The following FAM133B variants were observed in gnomAD, a reference collection of about 807,000 sequenced individuals.
The protein encoded by FAM133B is family with sequence similarity 133 member B, also known as protein FAM133B.
Under a neutral mutation model 46.4 loss-of-function variants are expected in FAM133B, and 25 were observed. That is an observed-to-expected ratio of 0.54 (90% confidence interval 0.39 to 0.75). The LOEUF (loss-of-function observed/expected upper bound fraction) is 0.75, where lower values mean the gene tolerates loss of function less well. Among genes scored for constraint, FAM133B ranks in the 30% least tolerant of loss-of-function variants. The pLI, the probability that FAM133B is intolerant of heterozygous loss-of-function variation, is 0.00. For missense variants in FAM133B, 205 were observed against 277.6 expected, an observed-to-expected ratio of 0.74 and a Z score of 1.86; for synonymous variants, 75 against 86.0, an observed-to-expected ratio of 0.87 and a Z score of 0.71.
Position 92,561,071 on chromosome 7 carries a change from T to G in FAM133B, c.*1211A>C, listed in dbSNP as rs1361671816. The G allele has an allele frequency of 6.6e-6, 1 of 152,654 alleles. No individual in the cohort carries two copies. Among genetic ancestry groups the G allele is most frequent in the Non-Finnish European group, 1.5e-5 (1 of 68,036 alleles). The allele number at this position is 152,654 out of a possible 1,614,324, so 9.5% of individuals were successfully genotyped here. A position where few individuals can be genotyped will look rare whatever the true frequency, so the allele number is the denominator to read the frequency against. On this transcript the variant is annotated 3_prime_UTR_variant, in exon 11 of 11. Transcript: ENST00000445716. ...ACTCTTATTTAAACTTAACTTGTCA[T>G]AATTTGTTATTAATATACAAAGACA...
chr7:92,589,782 C>T (rs1238336107), intron 1 of FAM133B: 1 of 156,806 alleles, frequency 6.4e-6, no homozygotes, highest in Non-Finnish European at 1.4e-5. Flanking sequence ...AGGCGCGCTG[C>T]TGGCTCTCCG....
In FAM133B at chr7:92,569,866, G is replaced by A; in HGVS notation, c.566C>T (p.Pro189Leu). The A allele has an allele frequency of 3.5e-6, 5 of 1,440,528 alleles. No homozygotes were observed. The highest frequency in any genetic ancestry group is 4.6e-6 in the Non-Finnish European group (5 of 1,097,198). The allele number at this position is 1,440,528 out of a possible 1,614,324, so 89.2% of individuals were successfully genotyped here. ...TTCTGACAAGGACTCAGATGATAAA[G>A]GTTTATCTTCAGAATACATCTTTCT... ...KKRKMYSEDK[P>L]LSSESLSESE... is the part of the protein sequence containing the mutation. The change falls in exon 9 of 11, where the codon CCT (proline) becomes CTT (leucine). Residue 189 changes from proline (P) to leucine (L), a missense_variant. Physicochemically the swap from Pro to Leu is moderately conservative, Grantham distance 98 (BLOSUM62 -3). Coordinates refer to ENST00000445716, the MANE Select transcript of FAM133B (RefSeq NM_152789.4).
At chr7:92,585,472 G>T (rs1232507359) in intron 1 of FAM133B, 3 of 576,860 alleles carry the variant, frequency 5.2e-6, no homozygotes, top group Non-Finnish European at 6.6e-6. Context: ...ACATATCAAG[G>T]ATATTCAGGT....
At chr7:92,584,047 CAA>C (rs765172200) in intron 1 of FAM133B, among the ~76,000 whole-genome samples, 3,349 of 36,382 alleles carry the variant, frequency 0.092, 22 homozygotes, top group African/African-American at 0.13. Flanking sequence ...AAGACTGTCT[CAA>C]AAAAAAAAAA....
chr7:92,562,550 C>T (rs149522406), intron 10 of FAM133B, among the ~76,000 whole-genome samples, 182 bp from the exon 11 acceptor site: 1 of 152,186 alleles, frequency 6.6e-6, no homozygotes, highest in Non-Finnish European at 1.5e-5. Context: ...CAGTTCTTGT[C>T]GATTTTCAAA....
rs182615762 is a variant in FAM133B, at chr7:92,566,058, G to A, written c.613C>T (p.Arg205Ter). Reference sequence around the variant, plus strand: ...TCACTGCTTTTCTTCTTTTTTGCTCGCACCTAGAAAGTTTAAATTTTTGTG... The same window carrying A: ...TCACTGCTTTTCTTCTTTTTTGCTCACACCTAGAAAGTTTAAATTTTTGTG... ...LSESEYIEEVRAKKKKSSEER... is the reference protein window; with the variant it reads ...LSESEYIEEV The change falls in exon 10 of 11, where the codon CGA becomes TGA. Residue 205 changes from arginine (R) to a stop codon, truncating the protein, a stop_gained. Coordinates refer to ENST00000445716, the MANE Select transcript of FAM133B (RefSeq NM_152789.4). LOFTEE classifies it high-confidence loss of function. 6.2e-6 allele frequency: 10 copies of A among 1,612,752 alleles called. No homozygotes were observed. Among genetic ancestry groups the A allele is most frequent in the Non-Finnish European group, 8.5e-6 (10 of 1,179,548 alleles).
At position 92,565,825 on chromosome 7, in the gene FAM133B, T is replaced by C. The variant is rs1389931263; in HGVS notation, c.657+189A>G. On this transcript the variant is annotated intron_variant, in intron 10 of 10. Coordinates refer to ENST00000445716, the MANE Select transcript of FAM133B (RefSeq NM_152789.4). Reference sequence around the variant, plus strand: ...AAACAGGACATGCTTGCTACCAGGGTATTTTTTATTTTTCCTGAACCATTT... The same window carrying C: ...AAACAGGACATGCTTGCTACCAGGGCATTTTTTATTTTTCCTGAACCATTT... The C allele has an allele frequency of 1.7e-5, 10 of 599,354 alleles. No individual in the cohort carries two copies. The Admixed American group carries it at 2.1e-4, about 12-fold the overall frequency. The allele number at this position is 599,354 out of a possible 1,614,324, so 37.1% of individuals were successfully genotyped here.
chr7:92,578,701 T>C (rs548628619), intron 3 of FAM133B, among the ~76,000 whole-genome samples: 1 of 152,292 alleles, frequency 6.6e-6, no homozygotes, highest in Admixed American at 6.5e-5. Flanking sequence ...GCTGTAAAAG[T>C]TGAATTAATC....
chr7:92,575,399 G>A (rs1794663554), intron 8 of FAM133B, among the ~76,000 whole-genome samples: 1 of 152,162 alleles, frequency 6.6e-6, no homozygotes, highest in African/African-American at 2.4e-5. Flanking sequence ...CTTGAACCCA[G>A]GAGATAGAGG....
intron 1 of FAM133B, 128 bp downstream of exon 1, chr7:92,590,140 C>T: frequency 7.1e-7 from 1 of 1,416,616 alleles, no homozygotes; most frequent in Non-Finnish European, 9.8e-7. Flanking sequence ...GCGGAGGGTG[C>T]TGGGTCTCCA....
At chr7:92,564,234 A>G (rs1366316080) in intron 10 of FAM133B, among the ~76,000 whole-genome samples, 1 of 152,120 alleles carries the variant, frequency 6.6e-6, no homozygotes. Context: ...TGATATTCAC[A>G]TGGTTGGCTC....
At chr7:92,578,427 T>C (rs756934223) in intron 3 of FAM133B, 34 bp from the exon 4 acceptor site, 2 of 1,578,528 alleles carry the variant, frequency 1.3e-6, no homozygotes, top group East Asian at 2.2e-5. Flanking sequence ...TCAGAGACTA[T>C]CTAACCTTTC....
chr7:92,564,984 A>AT (rs1253187703), intron 10 of FAM133B, among the ~76,000 whole-genome samples: 3 of 151,938 alleles, frequency 2.0e-5, no homozygotes, highest in Non-Finnish European at 4.4e-5. Flanking sequence ...TCATATTATT[A>AT]TTTTTTCATT....
At chr7:92,579,113 TGA>T (rs1490240945) in intron 3 of FAM133B, 3 of 520,084 alleles carry the variant, frequency 5.8e-6, no homozygotes, top group Non-Finnish European at 1.0e-5. Context: ...CCTCTTTAAC[TGA>T]GAGAGCTATG....
chr7:92,581,972 G>A (rs1794890438), intron 1 of FAM133B, among the ~76,000 whole-genome samples: 1 of 152,152 alleles, frequency 6.6e-6, no homozygotes. Context: ...TTCCAGGCTT[G>A]GTGCAGTGGC....
Position 92,581,599 on chromosome 7 carries a change from T to C in FAM133B, c.29A>G (p.Tyr10Cys). MGKRDNRVAYMNPIAMARSR... is the reference protein window; with the variant it reads MGKRDNRVACMNPIAMARSR... ...TCTCGCCATTGCTATTGGGTTCATA[T>C]AGGCCTTGGGGAAAGAACAACAATT... The change falls in exon 2 of 11, where the codon TAT (tyrosine) becomes TGT (cysteine). Residue 10 changes from tyrosine (Y) to cysteine (C), a missense_variant. Tyr to Cys is a radical substitution (Grantham distance 194). Transcript: ENST00000445716. 1.2e-6 allele frequency: 2 copies of C among 1,613,414 alleles called. No homozygotes were observed. The highest frequency in any genetic ancestry group is 1.3e-5 in the African/African-American group (1 of 75,032).
chr7:92,566,354 T>C (rs115975808), intron 9 of FAM133B, among the ~76,000 whole-genome samples: 435 of 152,146 alleles, frequency 2.9e-3, no homozygotes, highest in African/African-American at 9.3e-3. Flanking sequence ...CCGAGTGTGG[T>C]TGCTCTTGCC....
intron 8 of FAM133B, among the ~76,000 whole-genome samples, chr7:92,570,384 C>A (rs376054392): frequency 6.6e-6 from 1 of 151,936 alleles, no homozygotes; most frequent in Non-Finnish European, 1.5e-5. Context: ...AAAATCTTAA[C>A]CTCTAAGTAT....
intron 3 of FAM133B, 194 bp downstream of exon 3, chr7:92,579,123 A>G (rs1217572477): frequency 1.9e-6 from 1 of 538,598 alleles, no homozygotes; most frequent in African/African-American, 2.0e-5. Flanking sequence ...TGAGAGAGCT[A>G]TGCCCAAATA....
Sources: gnomAD v4.1 joint callset for allele counts (sites outside exome capture counted in the v4.1 genomes callset) on GRCh38, gnomAD v4.1.1 for gene constraint, MANE v1.5 for transcripts, NCBI Gene and HGNC (gene_info 2026-07-23, HGNC 2026-07-21) for gene names.